The following CNOT6L variants were observed in gnomAD, a reference collection of about 807,000 sequenced individuals.
CNOT6L encodes CCR4-NOT transcription complex subunit 6 like.
A neutral mutation model predicts 64.0 loss-of-function variants in CNOT6L; 7 were observed. The observed-to-expected ratio is 0.11, with a 90% CI of 0.06 to 0.21. CNOT6L has a LOEUF of 0.21. Ranked by LOEUF, CNOT6L falls within the 10% of genes least tolerant of loss-of-function variation. The probability of loss-of-function intolerance (pLI) is 1.00; values close to 1 mark genes in which losing one functional copy is unlikely to be tolerated. For missense variants in CNOT6L, 245 were observed against 669.0 expected (o/e 0.37, Z 6.99); for synonymous variants, 193 against 243.4 (o/e 0.79, Z 1.93).
At chr4:77,730,370 C>T (rs181857836) in intron 9 of CNOT6L, among the ~76,000 whole-genome samples, 1 of 152,108 alleles carries the variant, frequency 6.6e-6, no homozygotes, top group Admixed American at 6.5e-5. Context: ...AAATTTTCCC[C>T]TTCAAAGAGC....
In CNOT6L at chr4:77,776,254, C is replaced by T; in HGVS notation, c.127+17G>A. 13 of 1,607,324 alleles carry T rather than the reference C, an allele frequency of 8.1e-6. No individual in the cohort carries two copies. Among genetic ancestry groups the T allele is most frequent in the Non-Finnish European group, 1.0e-5 (12 of 1,178,478 alleles). ...TCACTATTACATTCCAGATTAAATGCTTCAGATTCCACTCACCCGAGATTT... is the reference window on the plus strand; with the variant it reads ...TCACTATTACATTCCAGATTAAATGTTTCAGATTCCACTCACCCGAGATTT... On this transcript the variant is annotated intron_variant, in intron 2 of 11. Coordinates refer to ENST00000504123, the MANE Select transcript of CNOT6L (RefSeq NM_144571.3).
intron 10 of CNOT6L, 98 bp from the exon 11 acceptor site, chr4:77,726,467 A>G (rs1721856680): frequency 1.1e-6 from 1 of 934,138 alleles, no homozygotes; most frequent in African/African-American, 1.7e-5. Flanking sequence ...CCAGGCTCAG[A>G]GTGGTCTTCT....
intron 1 of CNOT6L, among the ~76,000 whole-genome samples, chr4:77,796,160 AT>A (rs57746316): frequency 0.081 from 12,160 of 150,322 alleles, 692 homozygotes; most frequent in African/African-American, 0.16. Context: ...CCCTCATGAC[AT>A]TTTTTTTTTA....
At chr4:77,816,237 G>A (rs1044022734) in intron 1 of CNOT6L, among the ~76,000 whole-genome samples, 3 of 151,864 alleles carry the variant, frequency 2.0e-5, no homozygotes, top group Non-Finnish European at 4.4e-5. Context: ...TTACTACAGG[G>A]AAATGTTCTT....
At chr4:77,728,501 A>C (rs994567433) in intron 10 of CNOT6L, among the ~76,000 whole-genome samples, 1 of 152,200 alleles carries the variant, frequency 6.6e-6, no homozygotes, top group Non-Finnish European at 1.5e-5. Context: ...CATGCAATTC[A>C]AAGCCATCAC....
intron 1 of CNOT6L, among the ~76,000 whole-genome samples, chr4:77,813,369 A>C (rs1733181172): frequency 6.6e-6 from 1 of 152,186 alleles, no homozygotes; most frequent in South Asian, 2.1e-4. Context: ...ACAAGAAGTC[A>C]TTATTTCTTA....
chr4:77,785,699 A>G (rs1055927293), intron 1 of CNOT6L, among the ~76,000 whole-genome samples: 26 of 152,220 alleles, frequency 1.7e-4, no homozygotes, highest in Admixed American at 1.3e-3. Flanking sequence ...CCACAATGAG[A>G]TATCGCTACA....
chr4:77,738,896 C>CTGA (rs1440596435), intron 8 of CNOT6L, among the ~76,000 whole-genome samples: 1 of 151,934 alleles, frequency 6.6e-6, no homozygotes. Flanking sequence ...AAAGCAAAAG[C>CTGA]TGAGATCTGG....
intron 5 of CNOT6L, among the ~76,000 whole-genome samples, chr4:77,751,940 G>A (rs1724909884): frequency 6.6e-6 from 1 of 152,182 alleles, no homozygotes; most frequent in Non-Finnish European, 1.5e-5. Context: ...GGAAGGCTGA[G>A]ATGGGAAGAT....
At chr4:77,723,299 A>G (rs1196517065) in intron 11 of CNOT6L, among the ~76,000 whole-genome samples, 1 of 152,194 alleles carries the variant, frequency 6.6e-6, no homozygotes, top group Admixed American at 6.5e-5. Context: ...TGAGCTCTAA[A>G]TAACTCTTTT....
At chr4:77,811,659 T>C (rs993746868) in intron 1 of CNOT6L, among the ~76,000 whole-genome samples, 11 of 152,138 alleles carry the variant, frequency 7.2e-5, no homozygotes, top group African/African-American at 1.9e-4. Context: ...TTACCTGACA[T>C]AGCATCTTTA....
At chr4:77,744,973 T>TA in intron 6 of CNOT6L, 98 bp from the exon 7 acceptor site, 1 of 835,280 alleles carries the variant, frequency 1.2e-6, no homozygotes, top group East Asian at 2.8e-5. Flanking sequence ...CACACACACA[T>TA]ACGCCACATA....
intron 11 of CNOT6L, among the ~76,000 whole-genome samples, chr4:77,725,912 TAGTGAGCATTTTAGA>T (rs1222303099): frequency 6.6e-6 from 1 of 152,136 alleles, no homozygotes; most frequent in Non-Finnish European, 1.5e-5. Context: ...GCCTGGTACC[TAGTGAGCATTTTAGA>T]AGTTTTTGTT....
chr4:77,818,226 T>C (rs1363063445), intron 1 of CNOT6L, among the ~76,000 whole-genome samples: 1 of 152,158 alleles, frequency 6.6e-6, no homozygotes, highest in Non-Finnish European at 1.5e-5. Flanking sequence ...ACAATCCACC[T>C]AAACAGTCTA....
chr4:77,774,686 C>A lies in CNOT6L; in HGVS notation c.158G>T (p.Trp53Leu). 6.2e-7 allele frequency: 1 copy of A among 1,610,082 alleles called. No homozygotes were observed. The highest frequency in any genetic ancestry group is 1.1e-5 in the South Asian group (1 of 90,548). ...CAGCGCTGTCAAGTGTGTCAATGAC[C>A]AAAGTGATGTACTTAGGCTCCGCAC... ...GRVRSLSTSLWSLTHLTALHL... is the reference protein window; with the variant it reads ...GRVRSLSTSLLSLTHLTALHL... The change falls in exon 3 of 12, where the codon TGG becomes TTG. Residue 53 changes from tryptophan to leucine, a missense_variant. Physicochemically the swap from Trp to Leu is moderately conservative, Grantham distance 61. This residue lies in a region of CNOT6L where 78 missense variants were observed against 137.6 expected (regional missense o/e 0.57). Transcript: ENST00000504123.
At chr4:77,725,985 A>C in intron 11 of CNOT6L, 182 bp downstream of exon 11, 2 of 597,156 alleles carry the variant, frequency 3.3e-6, no homozygotes, top group Non-Finnish European at 5.9e-6. Flanking sequence ...GAAGAATTTA[A>C]GACAACAATA....
intron 11 of CNOT6L, among the ~76,000 whole-genome samples, chr4:77,722,504 AGT>A (rs969378308): frequency 1.3e-5 from 2 of 152,176 alleles, no homozygotes; most frequent in African/African-American, 4.8e-5. Context: ...CAGAGGTTGC[AGT>A]GTACTTAGAA....
At chr4:77,727,585 AAAAAAAAAAAG>A (rs1722014314) in intron 10 of CNOT6L, among the ~76,000 whole-genome samples, 1 of 123,250 alleles carries the variant, frequency 8.1e-6, no homozygotes, top group African/African-American at 2.7e-5. Flanking sequence ...AAAAAAAAAA[AAAAAAAAAAAG>A]GAAAAATGAG....
intron 1 of CNOT6L, among the ~76,000 whole-genome samples, chr4:77,814,691 T>G (rs928383527): frequency 6.6e-6 from 1 of 152,110 alleles, no homozygotes; most frequent in Non-Finnish European, 1.5e-5. Context: ...ACCAGACTAT[T>G]CCAAAATCTT....
Sources: gnomAD v4.1 joint callset for allele counts (sites outside exome capture counted in the v4.1 genomes callset) on GRCh38, gnomAD v4.1.1 for gene constraint, gnomAD v4.1.1 regional missense constraint, MANE v1.5 for transcripts, NCBI Gene and HGNC (gene_info 2026-07-23, HGNC 2026-07-21) for gene names.